Variants in NDUFAF6 observed in about 807,000 individuals in gnomAD.
NDUFAF6 encodes the protein NADH:ubiquinone oxidoreductase complex assembly factor 6, also known as NADH dehydrogenase (ubiquinone) complex I, assembly factor 6.
A neutral mutation model predicts 40.8 loss-of-function variants in NDUFAF6; 45 were observed. That is an observed-to-expected ratio of 1.10 (90% CI 0.87 to 1.42). The LOEUF is 1.42. Ranked by LOEUF, NDUFAF6 falls within the 40% of genes most tolerant of loss-of-function variation. The pLI, the probability that NDUFAF6 is intolerant of heterozygous loss-of-function variation, is 0.00. For synonymous variants in NDUFAF6, 185 were observed against 155.9 expected (o/e 1.19, Z -1.39); for missense variants, 435 against 418.5 (o/e 1.04, Z -0.34).
chr8:95,063,775 A>G (rs1832629343), intron 9 of NDUFAF6, among the ~76,000 whole-genome samples: 1 of 152,108 alleles, frequency 6.6e-6, no homozygotes, highest in Non-Finnish European at 1.5e-5. Context: ...TTTTTTTTTA[A>G]AACCTCAGGA....
chr8:95,009,517 G>T (rs1827143194), intron 2 of NDUFAF6, among the ~76,000 whole-genome samples: 1 of 152,200 alleles, frequency 6.6e-6, no homozygotes, highest in Non-Finnish European at 1.5e-5. Flanking sequence ...ATCTGGGTCA[G>T]TGGGTTATGG....
chr8:95,028,659 A>G (rs10111154), intron 1 of NDUFAF6, among the ~76,000 whole-genome samples: 23,063 of 152,028 alleles, frequency 0.15, 1,776 homozygotes, highest in Middle Eastern at 0.24. Context: ...TTTTTTTTAG[A>G]AGATAACCTT....
upstream of NDUFAF6, among the ~76,000 whole-genome samples, chr8:95,021,182 T>C (rs919901728): frequency 1.6e-4 from 24 of 152,204 alleles, no homozygotes; most frequent in African/African-American, 5.8e-4. Flanking sequence ...ATTGCCCATT[T>C]GCCAGGACTG....
chr8:94,925,466 T>C (rs919338733), intron 1 of NDUFAF6, among the ~76,000 whole-genome samples: 5 of 152,194 alleles, frequency 3.3e-5, no homozygotes, highest in African/African-American at 4.8e-5. Context: ...TAAACATTGA[T>C]TGGAGGGAAA....
chr8:95,041,902 G>C (rs1229757239), intron 4 of NDUFAF6, among the ~76,000 whole-genome samples: 1 of 152,078 alleles, frequency 6.6e-6, no homozygotes, highest in Admixed American at 6.5e-5. Flanking sequence ...CATAAAAGTA[G>C]AGAGACTACT....
chr8:95,081,366 C>T (rs956580553), intron 2 of NDUFAF6, among the ~76,000 whole-genome samples: 4 of 151,924 alleles, frequency 2.6e-5, no homozygotes, highest in Non-Finnish European at 4.4e-5. Context: ...GATGGGGTTT[C>T]GCTATGTTGG....
At chr8:95,078,739 C>G (rs1808719536), downstream of NDUFAF6, 1 of 151,492 alleles carries the variant, frequency 6.6e-6, no homozygotes, top group Non-Finnish European at 1.5e-5. Context: ...CTGGCAATCA[C>G]TGATCTGCTT....
chr8:95,020,304 A>G (rs1184729438), upstream of NDUFAF6, among the ~76,000 whole-genome samples: 1 of 152,244 alleles, frequency 6.6e-6, no homozygotes. Context: ...AAAATCAGAT[A>G]ACTGTAAGGC....
chr8:95,014,712 T>C (rs778561214), intron 2 of NDUFAF6, among the ~76,000 whole-genome samples: 7 of 152,202 alleles, frequency 4.6e-5, no homozygotes, highest in African/African-American at 7.2e-5. Flanking sequence ...CTAGCTCACA[T>C]AACCAACAAC....
chr8:95,030,557 A>G lies in NDUFAF6; in HGVS notation c.198-1438A>G, dbSNP rs556392479. Among the ~76,000 whole-genome samples the G allele has an allele frequency of 5.3e-5, 8 of 152,126 alleles. No individual in the cohort carries two copies. The South Asian group carries it at 1.7e-3, about 32-fold the overall frequency. On this transcript the variant is annotated intron_variant, in intron 1 of 8. Coordinates refer to ENST00000396124, the MANE Select transcript of NDUFAF6 (RefSeq NM_152416.4). ...CCCTGTCATTATTTTTTGATCCTGA[A>G]ATTGCTGTGGACTTGGCCAGTGAGA...
At chr8:94,923,214 A>G (rs1049562016) in intron 1 of NDUFAF6, among the ~76,000 whole-genome samples, 1 of 152,234 alleles carries the variant, frequency 6.6e-6, no homozygotes, top group Non-Finnish European at 1.5e-5. Flanking sequence ...GAAGCAGGTA[A>G]GGTGTGAGAA....
In NDUFAF6 at chr8:95,058,685, A is replaced by G. The variant is rs918897924; in HGVS notation, c.*748A>G. 5 of 1,030,528 alleles carry G rather than the reference A, an allele frequency of 4.9e-6. No homozygotes were observed. The highest frequency in any genetic ancestry group is 4.7e-6 in the Non-Finnish European group (4 of 860,104). The allele number at this position is 1,030,528 out of a possible 1,614,324, so 63.8% of individuals were successfully genotyped here. Reference sequence around the variant, plus strand: ...TGATATGAACGGTATTGTATTGAACATCCATTAAAGGGTTGCTACACTTTA... The same window carrying G: ...TGATATGAACGGTATTGTATTGAACGTCCATTAAAGGGTTGCTACACTTTA... On this transcript the variant is annotated 3_prime_UTR_variant, in exon 9 of 9. Transcript: ENST00000396124.
intron 1 of NDUFAF6, among the ~76,000 whole-genome samples, chr8:94,921,915 A>G (rs1159086994): frequency 1.3e-5 from 2 of 152,222 alleles, no homozygotes; most frequent in Non-Finnish European, 2.9e-5. Context: ...TGACCTGGGA[A>G]TTTATTAGAA....
chr8:94,980,798 T>G (rs1244150094), intron 1 of NDUFAF6: 1 of 379,658 alleles, frequency 2.6e-6, no homozygotes, highest in African/African-American at 2.1e-5. Flanking sequence ...GTTTAGTGCA[T>G]AGTTGTTTAC....
intron 8 of NDUFAF6, among the ~76,000 whole-genome samples, chr8:95,056,716 C>T (rs562477066): frequency 3.3e-5 from 5 of 151,854 alleles, no homozygotes; most frequent in African/African-American, 1.2e-4. Context: ...ACTAGCCTGG[C>T]CAATGTGGTG....
intron 2 of NDUFAF6, among the ~76,000 whole-genome samples, chr8:94,995,935 G>A (rs550546891): frequency 3.3e-5 from 5 of 152,180 alleles, no homozygotes; most frequent in Non-Finnish European, 5.9e-5. Context: ...ATGCCACCAC[G>A]CCCAGCCAAT....
chr8:94,954,244 G>C (rs1455653092), upstream of NDUFAF6, among the ~76,000 whole-genome samples: 1 of 152,052 alleles, frequency 6.6e-6, no homozygotes, highest in Non-Finnish European at 1.5e-5. Flanking sequence ...CGTGTTTTTA[G>C]TAGAGACAGG....
chr8:95,003,084 T>G (rs1368851543), intron 2 of NDUFAF6, among the ~76,000 whole-genome samples: 1 of 152,218 alleles, frequency 6.6e-6, no homozygotes, highest in African/African-American at 2.4e-5. Flanking sequence ...GCTTTGGTCA[T>G]GTACCTACAA....
At chr8:94,935,869 A>G (rs751639193) in intron 1 of NDUFAF6, among the ~76,000 whole-genome samples, 2 of 152,198 alleles carry the variant, frequency 1.3e-5, no homozygotes, top group Non-Finnish European at 2.9e-5. Flanking sequence ...CTGGAGACAC[A>G]CTTCCCCTAC....
Sources: allele counts gnomAD v4.1 joint callset (sites outside exome capture counted in the v4.1 genomes callset), GRCh38; gene constraint gnomAD v4.1.1; transcripts MANE v1.5; gene names NCBI Gene and HGNC (gene_info 2026-07-23, HGNC 2026-07-21).